The following FGL1 variants were observed in gnomAD, a reference collection of about 807,000 sequenced individuals.
FGL1 encodes fibrinogen-like protein 1.
In FGL1, 59 loss-of-function variants were observed where a neutral mutation model predicts 43.7. The ratio of observed to expected loss-of-function variants is 1.35; its 90% CI spans 1.10 to 1.68. The LOEUF (loss-of-function observed/expected upper bound fraction) is 1.68. Among genes scored for constraint, FGL1 ranks in the 40% most tolerant of loss-of-function variants. FGL1 has a pLI of 0.00. For synonymous variants in FGL1, 192 were observed against 126.5 expected, an observed-to-expected ratio of 1.52 and a Z score of -3.48; for missense variants, 596 against 373.0, an observed-to-expected ratio of 1.60 and a Z score of -4.92.
chr8:17,864,749 C>T lies in FGL1; in HGVS notation c.782G>A (p.Cys261Tyr). ...TACACCATTCAGGTTTGCAGAGTGA[C>T]ACCTAGTGGAAGGGAGAAAAAAAAA... ...EDQSGWWFNR[C>Y]HSANLNGVYY... Residue 261 changes from cysteine (C) to tyrosine (Y), a missense_variant and splice_region_variant, in exon 8 of 8, where the codon TGT (cysteine) becomes TAT (tyrosine). Coordinates refer to ENST00000427924, the MANE Select transcript of FGL1 (RefSeq NM_004467.4). 6.8e-7 allele frequency: 1 copy of T among 1,471,188 alleles called. No homozygotes were observed. Among genetic ancestry groups the T allele is most frequent in the South Asian group, 1.5e-5 (1 of 65,900 alleles). The allele number at this position is 1,471,188 out of a possible 1,614,324, so 91.1% of individuals were successfully genotyped here. A position where few individuals can be genotyped will look rare whatever the true frequency, so the allele number is the denominator to read the frequency against.
chr8:17,874,043 T>C lies in FGL1; in HGVS notation c.478A>G (p.Asn160Asp). 1 of 1,610,896 alleles carries C rather than the reference T, an allele frequency of 6.2e-7. No individual in the cohort carries two copies. The highest frequency in any genetic ancestry group is 8.5e-7 in the Non-Finnish European group (1 of 1,179,138). Residue 160 changes from asparagine (N) to aspartate (D), a missense_variant, in exon 5 of 8, where the codon AAT becomes GAT. Coordinates refer to ENST00000427924, the MANE Select transcript of FGL1 (RefSeq NM_004467.4). ...KHGEYWLGNK[N>D]LHFLTTQEDY... ...CCTTGAGTGGTCAAGAAGTGAAGATTTTTATTGCCCAGCCAATATTCACCA... is the reference window on the plus strand; with the variant it reads ...CCTTGAGTGGTCAAGAAGTGAAGATCTTTATTGCCCAGCCAATATTCACCA...
chr8:17,873,209 G>C (rs1157651117), intron 5 of FGL1, among the ~76,000 whole-genome samples: 1 of 152,040 alleles, frequency 6.6e-6, no homozygotes, highest in East Asian at 1.9e-4. Flanking sequence ...CCTGTGATTT[G>C]CTTTCACCAA....
rs749940982 is a variant in FGL1 at position 17,873,969 on chromosome 8, G to A, written c.502+50C>T. On this transcript the variant is annotated intron_variant, in intron 5 of 7. Transcript: ENST00000427924. ...ATAATTTGGTTAAAAAAAAATTTTAGTGTTGTTTTTATTATATTTCAAATA... is the reference window on the plus strand; with the variant it reads ...ATAATTTGGTTAAAAAAAAATTTTAATGTTGTTTTTATTATATTTCAAATA... 51 of 1,374,192 alleles carry A rather than the reference G, an allele frequency of 3.7e-5. No homozygotes were observed. The South Asian group carries it at 4.9e-4, about 13-fold the overall frequency. 85.1% of individuals were successfully genotyped at this position (1,374,192 alleles called of 1,614,324 possible).
intron 3 of FGL1, among the ~76,000 whole-genome samples, chr8:17,876,431 T>C (rs1229649372): frequency 6.6e-6 from 1 of 152,222 alleles, no homozygotes; most frequent in Non-Finnish European, 1.5e-5. Context: ...ACTCCTGCTT[T>C]GGTGAGATGT....
chr8:17,880,390 A>G (rs187585653), intron 3 of FGL1, among the ~76,000 whole-genome samples: 3 of 152,356 alleles, frequency 2.0e-5, no homozygotes, highest in Admixed American at 1.3e-4. Context: ...CAACTCCTAT[A>G]TCCTACACTT....
intron 3 of FGL1, 133 bp from the exon 4 acceptor site, chr8:17,874,654 A>G: frequency 1.8e-6 from 1 of 547,884 alleles, no homozygotes; most frequent in Non-Finnish European, 2.9e-6. Context: ...GCGTTTTAAA[A>G]TTGCATCTTG....
chr8:17,873,696 T>C (rs895197230), intron 5 of FGL1, among the ~76,000 whole-genome samples: 25 of 68,398 alleles, frequency 3.7e-4, no homozygotes, highest in Non-Finnish European at 8.5e-4. Context: ...TAGATACATA[T>C]AGCGACTTAT....
intron 2 of FGL1, among the ~76,000 whole-genome samples, chr8:17,883,402 AAT>A (rs1237874777): frequency 1.9e-5 from 1 of 52,924 alleles, no homozygotes; most frequent in African/African-American, 6.2e-5. Flanking sequence ...AATAATATAT[AAT>A]ATATATTACA....
chr8:17,867,160 C>T (rs1205224126), intron 7 of FGL1, among the ~76,000 whole-genome samples: 1 of 152,116 alleles, frequency 6.6e-6, no homozygotes, highest in Non-Finnish European at 1.5e-5. Flanking sequence ...GTTCTAAGAC[C>T]CCTAGTGGAT....
chr8:17,881,860 A>G, intron 3 of FGL1, 139 bp downstream of exon 3: 1 of 686,226 alleles, frequency 1.5e-6, no homozygotes, highest in Non-Finnish European at 2.3e-6. Flanking sequence ...GTAAAGTGTG[A>G]AAGAAGACAT....
chr8:17,867,174 T>G (rs34385907), intron 7 of FGL1, among the ~76,000 whole-genome samples: 1 of 152,338 alleles, frequency 6.6e-6, no homozygotes, highest in Non-Finnish European at 1.5e-5. Context: ...AGTGGATGCC[T>G]GAAACTACAG....
chr8:17,885,454 CATT>C (rs770330224), intron 2 of FGL1, 35 bp downstream of exon 2: 4 of 1,482,042 alleles, frequency 2.7e-6, no homozygotes, highest in Non-Finnish European at 3.7e-6. Context: ...TAAAAGCAGG[CATT>C]ATAAATATGA....
chr8:17,880,322 C>A (rs778943785), intron 3 of FGL1, among the ~76,000 whole-genome samples: 1 of 152,184 alleles, frequency 6.6e-6, no homozygotes, highest in African/African-American at 2.4e-5. Flanking sequence ...GAGTCTCATG[C>A]GCTACAGTGT....
At chr8:17,879,848 T>C (rs7815429) in intron 3 of FGL1, among the ~76,000 whole-genome samples, 83,029 of 151,954 alleles carry the variant, frequency 0.55, 24,508 homozygotes, top group Non-Finnish European at 0.68. Flanking sequence ...GGAACAAACA[T>C]CTGATTAGCT....
rs111783452 is a variant in FGL1, at chr8:17,885,201, C to T, written c.63+291G>A. Among the ~76,000 whole-genome samples, 446 of 151,692 alleles carry T rather than the reference C, an allele frequency of 2.9e-3. 1 individual carries two copies. The highest frequency in any genetic ancestry group is 5.1e-3 in the Non-Finnish European group (343 of 67,898). On this transcript the variant is annotated intron_variant, in intron 2 of 7. Coordinates refer to ENST00000427924, the MANE Select transcript of FGL1 (RefSeq NM_004467.4). Reference sequence around the variant, plus strand: ...GACTACAGATGCGTGCCATCACGCCCGGCTAATTTTTTGTATTTTTTTTAG... The same window carrying T: ...GACTACAGATGCGTGCCATCACGCCTGGCTAATTTTTTGTATTTTTTTTAG...
intron 3 of FGL1, among the ~76,000 whole-genome samples, chr8:17,877,503 T>C (rs1443965817): frequency 1.3e-5 from 2 of 151,676 alleles, no homozygotes; most frequent in Non-Finnish European, 2.9e-5. Context: ...CCCCACATTC[T>C]AAACACAAAA....
intron 3 of FGL1, among the ~76,000 whole-genome samples, chr8:17,877,124 T>C (rs1370417188): frequency 3.3e-5 from 5 of 152,158 alleles, no homozygotes; most frequent in Non-Finnish European, 5.9e-5. Flanking sequence ...ATTTAAAATA[T>C]GAACTTGATA....
chr8:17,870,999 G>C (rs2053351228), intron 5 of FGL1, among the ~76,000 whole-genome samples: 2 of 151,424 alleles, frequency 1.3e-5, no homozygotes, highest in African/African-American at 4.9e-5. Flanking sequence ...ACAAACTCAA[G>C]GCTGTTGGGG....
chr8:17,880,178 T>C (rs1306792762), intron 3 of FGL1, among the ~76,000 whole-genome samples: 1 of 152,174 alleles, frequency 6.6e-6, no homozygotes, highest in East Asian at 1.9e-4. Flanking sequence ...GGCTCTGGCC[T>C]CTTTCTGATC....
Sources: gnomAD v4.1 joint callset for allele counts (sites outside exome capture counted in the v4.1 genomes callset) on GRCh38, gnomAD v4.1.1 for gene constraint, MANE v1.5 for transcripts, NCBI Gene and HGNC (gene_info 2026-07-23, HGNC 2026-07-21) for gene names.